Variants in GPR143 observed in about 807,000 individuals in gnomAD.
The protein encoded by GPR143 is G protein-coupled receptor 143.
In GPR143, 8 loss-of-function variants were observed where a neutral mutation model predicts 27.6. The observed-to-expected ratio is 0.29, with a 90% CI of 0.17 to 0.52. GPR143 has a LOEUF of 0.52. Among genes scored for constraint, GPR143 ranks in the 20% least tolerant of loss-of-function variants. GPR143 has a pLI of 0.96. For missense variants in GPR143, 303 were observed against 343.1 expected (o/e 0.88, Z 0.92); for synonymous variants, 156 against 153.2 (o/e 1.02, Z -0.13).
In GPR143 at chrX:9,760,780, A is replaced by C. The variant is rs1309150086; in HGVS notation, c.297T>G (p.Val99=). 2 of 1,196,338 alleles carry C rather than the reference A, an allele frequency of 1.7e-6. No individual in the cohort carries two copies. The highest frequency in any genetic ancestry group is 3.6e-5 in the South Asian group (2 of 54,968). ...TGTGGTTCATATCCGAGACGCTGTC[A>C]ACAAAATTTGGGAATCCTAACCACA... The part of the protein sequence containing the change: ...STVWLGFPNF[V]DSVSDMNHTE... The change falls in exon 2 of 9, where the codon GTT becomes GTG. Residue 99 remains valine, a synonymous_variant. Transcript: ENST00000467482.
At position 9,731,723 on chromosome X, in the gene GPR143, CAG is replaced by C. The variant is rs998428854; in HGVS notation, c.1121-5885_1121-5884del. On this transcript the variant is annotated intron_variant, in intron 8 of 8. Coordinates refer to ENST00000467482, the MANE Select transcript of GPR143 (RefSeq NM_000273.3). ...GAGAAAATGGAATTGTAGGAGGGAA[CAG>C]AGATTTGTGAGAGAGAACAGAGAAC... Among the ~76,000 whole-genome samples the C allele has an allele frequency of 7.9e-5, 8 of 101,268 alleles. No individual in the cohort carries two copies. The Admixed American group carries it at 9.2e-4, about 12-fold the overall frequency. The allele number at this position is 101,268 out of a possible 115,157, so 87.9% of individuals were successfully genotyped here.
chrX:9,731,535 T>A (rs1002252850), intron 8 of GPR143, among the ~76,000 whole-genome samples: 1 of 110,853 alleles, frequency 9.0e-6, no homozygotes, highest in Non-Finnish European at 1.9e-5. Context: ...GGTGGAAAAC[T>A]GGGACTTACA....
chrX:9,739,991 G>A (rs2083395798), intron 7 of GPR143, among the ~76,000 whole-genome samples: 1 of 109,684 alleles, frequency 9.1e-6, no homozygotes, highest in African/African-American at 3.3e-5. Context: ...CTGGAGTAGA[G>A]AAGGGAAGAA....
At chrX:9,750,572 T>A (rs1319287196) in intron 3 of GPR143, among the ~76,000 whole-genome samples, 5 of 108,178 alleles carry the variant, frequency 4.6e-5, no homozygotes, top group Non-Finnish European at 9.6e-5. Context: ...CAGATGGCAT[T>A]TTTTTTTTCA....
chrX:9,762,410 G>A (rs760095627), intron 1 of GPR143, among the ~76,000 whole-genome samples: 2 of 110,686 alleles, frequency 1.8e-5, no homozygotes, highest in Admixed American at 1.9e-4. Flanking sequence ...AAGTATGCTA[G>A]GTAATATAAA....
At chrX:9,727,240 C>T (rs1171420376) in intron 8 of GPR143, among the ~76,000 whole-genome samples, 1 of 113,406 alleles carries the variant, frequency 8.8e-6, no homozygotes, top group East Asian at 2.8e-4. Context: ...TGCTCCTCCC[C>T]GATTCTGAGC....
At chrX:9,766,903 TCACACACACACA>T (rs58553907), upstream of GPR143, among the ~76,000 whole-genome samples, 256 of 86,905 alleles carry the variant, frequency 2.9e-3, no homozygotes, top group African/African-American at 8.2e-3. Flanking sequence ...TCTCTCTCTC[TCACACACACACA>T]CACACACACA....
At chrX:9,746,620 A>G (rs1226868258) in intron 4 of GPR143, among the ~76,000 whole-genome samples, 1 of 111,498 alleles carries the variant, frequency 9.0e-6, no homozygotes. Flanking sequence ...TGCCAGCTGC[A>G]TATTTCAGAG....
rs1188202179 is a variant in GPR143, at chrX:9,755,643, G to T, written c.455+3689C>A. Among the ~76,000 whole-genome samples, 4 of 111,058 alleles carry T rather than the reference G, an allele frequency of 3.6e-5. No homozygotes were observed. In the East Asian group the frequency reaches 1.1e-3, roughly 31 times the overall value. On this transcript the variant is annotated intron_variant, in intron 3 of 8. Transcript: ENST00000467482. ...CCACTTCCTGATGCCCAGAATGTAGGTGTGATGACTGGAGCACCAGCAGCT... is the reference window on the plus strand; with the variant it reads ...CCACTTCCTGATGCCCAGAATGTAGTTGTGATGACTGGAGCACCAGCAGCT...
chrX:9,763,175 G>A (rs1051379416), intron 1 of GPR143, among the ~76,000 whole-genome samples: 6 of 109,837 alleles, frequency 5.5e-5, no homozygotes, highest in Non-Finnish European at 1.1e-4. Context: ...CTGGGTTCAA[G>A]CAATCCGTCC....
chrX:9,759,578 G>A (rs748890250), intron 2 of GPR143, 152 bp from the exon 3 acceptor site: 21 of 503,698 alleles, frequency 4.2e-5, no homozygotes, highest in South Asian at 3.4e-4. Context: ...CAGTTCCTGG[G>A]ACCAAGGAGG....
At chrX:9,774,876 T>G (rs754476059) in intron 1 of GPR143, among the ~76,000 whole-genome samples, 62 of 111,559 alleles carry the variant, frequency 5.6e-4, no homozygotes, top group African/African-American at 1.6e-3. Context: ...TTGTTTGGTT[T>G]TTTTTGAGAC....
chrX:9,775,973 A>G (rs966450658), intron 1 of GPR143, among the ~76,000 whole-genome samples: 13 of 112,334 alleles, frequency 1.2e-4, no homozygotes, highest in African/African-American at 4.2e-4. Context: ...GTGAAATCTC[A>G]TGTATCTAAC....
At chrX:9,777,867 G>T (rs1212458410) in intron 1 of GPR143, among the ~76,000 whole-genome samples, 2 of 109,388 alleles carry the variant, frequency 1.8e-5, no homozygotes, top group African/African-American at 6.7e-5. Context: ...GAGGCGGGAG[G>T]ATCATGAGGT....
chrX:9,730,381 A>G (rs1394148427), intron 8 of GPR143, among the ~76,000 whole-genome samples: 2 of 110,398 alleles, frequency 1.8e-5, no homozygotes, highest in Non-Finnish European at 3.8e-5. Flanking sequence ...CAGCTCAACA[A>G]AGTCCAAGGC....
chrX:9,771,764 T>C (rs2083555862), intron 1 of GPR143, among the ~76,000 whole-genome samples: 1 of 95,837 alleles, frequency 1.0e-5, no homozygotes, highest in East Asian at 3.3e-4. Flanking sequence ...GCTGTGGCAA[T>C]AGAGTGGTGT....
intron 1 of GPR143, among the ~76,000 whole-genome samples, chrX:9,777,493 T>C (rs1295422341): frequency 8.9e-6 from 1 of 112,096 alleles, no homozygotes; most frequent in African/African-American, 3.2e-5. Context: ...TCGTATTTTA[T>C]TGTTATTTTG....
chrX:9,749,149 G>T (rs1176641211), intron 3 of GPR143, among the ~76,000 whole-genome samples: 1 of 111,571 alleles, frequency 9.0e-6, no homozygotes, highest in Admixed American at 9.5e-5. Context: ...GAATCATGGG[G>T]GCGGTTTCCC....
intron 7 of GPR143, chrX:9,740,753 CTTTTTTT>C (rs374177494): frequency 8.5e-5 from 22 of 258,227 alleles, no homozygotes; most frequent in African/African-American, 1.4e-4. Flanking sequence ...TTCTTTCTTT[CTTTTTTT>C]TTTTTTTTTT....
Sources: allele counts gnomAD v4.1 joint callset (sites outside exome capture counted in the v4.1 genomes callset), GRCh38; gene constraint gnomAD v4.1.1; transcripts MANE v1.5; gene names NCBI Gene and HGNC (gene_info 2026-07-23, HGNC 2026-07-21).